The following CDKAL1 variants were observed in gnomAD, a reference collection of about 807,000 sequenced individuals.
The protein encoded by CDKAL1 is CDKAL1 threonylcarbamoyladenosine tRNA methylthiotransferase.
Under a neutral mutation model 68.2 loss-of-function variants are expected in CDKAL1, and 32 were observed. The ratio of observed to expected loss-of-function variants is 0.47; its 90% CI spans 0.35 to 0.63. CDKAL1 has a LOEUF of 0.63. Ranked by LOEUF, CDKAL1 falls within the 30% of genes least tolerant of loss-of-function variation. The pLI is 0.00. For missense variants in CDKAL1, 606 were observed against 696.7 expected, an observed-to-expected ratio of 0.87 and a Z score of 1.47; for synonymous variants, 234 against 244.3, an observed-to-expected ratio of 0.96 and a Z score of 0.39.
At chr6:21,180,267 T>C (rs1777738536) in intron 13 of CDKAL1, among the ~76,000 whole-genome samples, 1 of 152,190 alleles carries the variant, frequency 6.6e-6, no homozygotes. Flanking sequence ...CTCCATCTGA[T>C]GCTTGAACTT....
chr6:20,813,047 A>T (rs948979675), intron 8 of CDKAL1, among the ~76,000 whole-genome samples: 4 of 152,112 alleles, frequency 2.6e-5, no homozygotes, highest in Non-Finnish European at 5.9e-5. Context: ...TGCAATTTTA[A>T]TTTGGATTTC....
intron 10 of CDKAL1, among the ~76,000 whole-genome samples, chr6:20,972,119 T>C (rs957778660): frequency 6.6e-6 from 1 of 152,208 alleles, no homozygotes; most frequent in Non-Finnish European, 1.5e-5. Flanking sequence ...GAAAGAAACA[T>C]TCTTTTGGAT....
intron 13 of CDKAL1, among the ~76,000 whole-genome samples, chr6:21,138,306 A>G (rs1055898424): frequency 6.6e-6 from 1 of 152,168 alleles, no homozygotes; most frequent in African/African-American, 2.4e-5. Context: ...TCAACCACAG[A>G]CAACCATAAC....
At chr6:21,124,572 C>A (rs1774897419) in intron 13 of CDKAL1, among the ~76,000 whole-genome samples, 1 of 151,856 alleles carries the variant, frequency 6.6e-6, no homozygotes. Context: ...ACTCCCTTTA[C>A]CCACTACTTT....
chr6:20,547,197 AT>A (rs141552297), intron 3 of CDKAL1, among the ~76,000 whole-genome samples: 14,847 of 150,600 alleles, frequency 0.099, 877 homozygotes, highest in African/African-American at 0.14. Context: ...CTGTATGTAG[AT>A]TTTTTTTTTA....
chr6:21,054,371 C>T (rs1392829323), intron 11 of CDKAL1, among the ~76,000 whole-genome samples: 2 of 152,000 alleles, frequency 1.3e-5, no homozygotes, highest in East Asian at 3.9e-4. Context: ...TATAGTTAGT[C>T]TTTAAAACAG....
chr6:20,957,653 A>G (rs1332642883), intron 10 of CDKAL1, among the ~76,000 whole-genome samples: 1 of 152,160 alleles, frequency 6.6e-6, no homozygotes, highest in African/African-American at 2.4e-5. Context: ...GTGGCTCAAT[A>G]AATGAGTGAA....
intron 9 of CDKAL1, among the ~76,000 whole-genome samples, chr6:20,921,325 A>G (rs1030112446): frequency 2.0e-5 from 3 of 152,110 alleles, no homozygotes; most frequent in Non-Finnish European, 4.4e-5. Flanking sequence ...GCTACTCTGG[A>G]GGCTGAGGCA....
intron 8 of CDKAL1, among the ~76,000 whole-genome samples, chr6:20,812,598 C>T (rs1026738627): frequency 3.3e-5 from 5 of 152,194 alleles, no homozygotes; most frequent in Non-Finnish European, 7.3e-5. Context: ...GATTAGCTTG[C>T]AGTTTCTAGA....
At position 20,650,148 on chromosome 6, in the gene CDKAL1, C is replaced by T. The variant is rs145378232; in HGVS notation, c.371+771C>T. On this transcript the variant is annotated intron_variant, in intron 5 of 15. Coordinates refer to ENST00000274695, the MANE Select transcript of CDKAL1 (RefSeq NM_017774.3). Reference sequence around the variant, plus strand: ...CTTTGAGAAATCGCCACACTGTCTTCCACAATGGTTTAATTAATTTACATT... The same window carrying T: ...CTTTGAGAAATCGCCACACTGTCTTTCACAATGGTTTAATTAATTTACATT... Among the ~76,000 whole-genome samples, 354 of 152,312 alleles carry T rather than the reference C, an allele frequency of 2.3e-3. 2 individuals are homozygous for T. Among genetic ancestry groups the T allele is most frequent in the African/African-American group, 7.1e-3 (295 of 41,572 alleles).
At chr6:20,919,530 T>C (rs926791880) in intron 9 of CDKAL1, among the ~76,000 whole-genome samples, 2 of 152,108 alleles carry the variant, frequency 1.3e-5, no homozygotes, top group Non-Finnish European at 2.9e-5. Context: ...ATCCCTCCCC[T>C]AGCCCCCCAC....
At chr6:21,183,075 A>C (rs1777853175) in intron 13 of CDKAL1, among the ~76,000 whole-genome samples, 1 of 151,788 alleles carries the variant, frequency 6.6e-6, no homozygotes, top group South Asian at 2.1e-4. Flanking sequence ...ATATTTATAC[A>C]GCCTTAACTC....
At chr6:21,072,506 G>A (rs991714826) in intron 12 of CDKAL1, among the ~76,000 whole-genome samples, 1 of 124,076 alleles carries the variant, frequency 8.1e-6, no homozygotes, top group East Asian at 2.7e-4. Flanking sequence ...AGTGAGCCAA[G>A]ATTGTGCCAT....
intron 7 of CDKAL1, among the ~76,000 whole-genome samples, chr6:20,758,906 G>T (rs1774349831): frequency 6.6e-6 from 1 of 152,150 alleles, no homozygotes; most frequent in African/African-American, 2.4e-5. Flanking sequence ...CTGGGGCTGA[G>T]GCTGAGGCTG....
rs769122282 is a variant in CDKAL1 at position 21,198,088 on chromosome 6, A to G, written c.1367A>G (p.Asn456Ser). The part of the protein sequence containing the change: ...SFDSKFYVAH[N>S]QFYEQVLVPK... ...GATTCCAAGTTTTATGTTGCACACA[A>G]TCAATTCTATGAGCAGGTAAGAGGC... Residue 456 changes from asparagine to serine, a missense_variant, in exon 14 of 16, where the codon AAT (asparagine) becomes AGT (serine). Transcript: ENST00000274695. 4.9e-5 allele frequency: 79 copies of G among 1,600,084 alleles called. 1 individual carries two copies. In the South Asian group the frequency reaches 7.4e-4, roughly 15 times the overall value.
chr6:21,102,785 C>G (rs1466707587), intron 12 of CDKAL1, among the ~76,000 whole-genome samples: 3 of 152,116 alleles, frequency 2.0e-5, no homozygotes, highest in African/African-American at 7.2e-5. Flanking sequence ...TTGCCTCAGG[C>G]ACTCCTGCGT....
chr6:20,844,462 G>A (rs72832380), intron 8 of CDKAL1, among the ~76,000 whole-genome samples: 31,973 of 151,910 alleles, frequency 0.21, 3,478 homozygotes, highest in East Asian at 0.34. Flanking sequence ...ATGGCCTTGA[G>A]CAGGCTACTT....
At chr6:21,080,470 C>T (rs936251696) in intron 12 of CDKAL1, among the ~76,000 whole-genome samples, 1 of 152,118 alleles carries the variant, frequency 6.6e-6, no homozygotes, top group African/African-American at 2.4e-5. Context: ...ATACCACAGC[C>T]GAGAGTGTCA....
intron 4 of CDKAL1, among the ~76,000 whole-genome samples, chr6:20,631,640 G>A (rs913644500): frequency 2.6e-5 from 4 of 152,182 alleles, no homozygotes; most frequent in Non-Finnish European, 4.4e-5. Context: ...CAAGGCAAAT[G>A]TTAGAACCTC....
Sources: allele counts gnomAD v4.1 joint callset (sites outside exome capture counted in the v4.1 genomes callset), GRCh38; gene constraint gnomAD v4.1.1; transcripts MANE v1.5; gene names NCBI Gene and HGNC (gene_info 2026-07-23, HGNC 2026-07-21).